Variants in NAV3 observed in about 807,000 individuals in gnomAD.
The protein encoded by NAV3 is neuron navigator 3, also known as pore membrane and/or filament interacting like protein 1.
A neutral mutation model predicts 244.7 loss-of-function variants in NAV3; 87 were observed. The observed-to-expected ratio is 0.36, with a 90% CI of 0.30 to 0.42. NAV3 has a LOEUF of 0.42. NAV3 is among the 20% of genes least tolerant of loss of function. NAV3 has a pLI of 1.00. For missense variants in NAV3, 2,663 were observed against 2,893.3 expected (o/e 0.92, Z 1.83); for synonymous variants, 1,126 against 1,042.2 (o/e 1.08, Z -1.55).
chr12:77,860,881 A>T (rs1227175706), intron 1 of NAV3, among the ~76,000 whole-genome samples: 1 of 151,900 alleles, frequency 6.6e-6, no homozygotes, highest in Non-Finnish European at 1.5e-5. Context: ...TTGAGGATCA[A>T]AACTATCCTT....
intron 2 of NAV3, among the ~76,000 whole-genome samples, chr12:77,652,268 A>G (rs1178831800): frequency 6.6e-6 from 1 of 152,170 alleles, no homozygotes; most frequent in Non-Finnish European, 1.5e-5. Flanking sequence ...GGTCACACTG[A>G]TAGGGATTGG....
intron 1 of NAV3, among the ~76,000 whole-genome samples, chr12:77,838,699 A>G (rs1344569705): frequency 3.9e-5 from 6 of 152,194 alleles, no homozygotes. Flanking sequence ...TTTGATATTT[A>G]TGCTATCAAA....
At chr12:77,778,913 G>A (rs1870527948) in intron 2 of NAV3, among the ~76,000 whole-genome samples, 1 of 152,178 alleles carries the variant, frequency 6.6e-6, no homozygotes, top group Non-Finnish European at 1.5e-5. Flanking sequence ...GAGATTGAAT[G>A]TCTCAAATGA....
intron 1 of NAV3, among the ~76,000 whole-genome samples, chr12:77,937,927 A>G (rs1889477919): frequency 1.3e-5 from 2 of 152,186 alleles, no homozygotes; most frequent in African/African-American, 4.8e-5. Context: ...GTCCTGGCAC[A>G]ATCCTATAAT....
intron 12 of NAV3, among the ~76,000 whole-genome samples, chr12:78,080,748 C>T (rs1953303482): frequency 6.6e-6 from 1 of 152,164 alleles, no homozygotes; most frequent in South Asian, 2.1e-4. Context: ...ACTCTTTTCT[C>T]CTATTTGATG....
At chr12:78,174,552 C>A (rs1200383968) in intron 24 of NAV3, among the ~76,000 whole-genome samples, 1 of 151,830 alleles carries the variant, frequency 6.6e-6, no homozygotes. Flanking sequence ...ACTCCGGGGG[C>A]ATATCAAGCA....
chr12:78,056,039 G>A (rs1313545749), intron 11 of NAV3: 2 of 152,104 alleles, frequency 1.3e-5, no homozygotes, highest in Admixed American at 6.6e-5. Context: ...ATTTAAATAT[G>A]CATTGATGGT....
chr12:77,852,396 G>A (rs570148490), intron 1 of NAV3, among the ~76,000 whole-genome samples: 25 of 152,068 alleles, frequency 1.6e-4, no homozygotes, highest in Admixed American at 3.3e-4. Context: ...TTAACCGAGC[G>A]TAGTGGCACA....
At chr12:77,581,682 C>A (rs780270971) in intron 2 of NAV3, among the ~76,000 whole-genome samples, 5 of 152,110 alleles carry the variant, frequency 3.3e-5, no homozygotes, top group Non-Finnish European at 7.4e-5. Flanking sequence ...TTTTGATCCA[C>A]TCAAATTAGT....
chr12:77,703,084 G>A (rs1316183864), intron 2 of NAV3, among the ~76,000 whole-genome samples: 1 of 151,940 alleles, frequency 6.6e-6, no homozygotes, highest in African/African-American at 2.4e-5. Context: ...ATTTTATCAT[G>A]TCGTTTGATA....
chr12:78,167,624 T>C (rs1957833731), intron 23 of NAV3, among the ~76,000 whole-genome samples: 1 of 151,562 alleles, frequency 6.6e-6, no homozygotes, highest in South Asian at 2.1e-4. Flanking sequence ...AAATATATAT[T>C]CTGGGAGACA....
At chr12:78,071,770 G>C (rs1952782754) in intron 12 of NAV3, among the ~76,000 whole-genome samples, 1 of 152,188 alleles carries the variant, frequency 6.6e-6, no homozygotes, top group African/African-American at 2.4e-5. Context: ...GTTTGTCAAA[G>C]ATCAGATAGT....
chr12:77,835,411 A>G (rs997056616), intron 1 of NAV3, among the ~76,000 whole-genome samples: 5 of 152,214 alleles, frequency 3.3e-5, no homozygotes, highest in Non-Finnish European at 7.3e-5. Flanking sequence ...TGTACCAAAC[A>G]GTTTTATGAT....
chr12:77,921,430 A>G (rs1163207632), intron 1 of NAV3, among the ~76,000 whole-genome samples: 1 of 152,098 alleles, frequency 6.6e-6, no homozygotes, highest in East Asian at 1.9e-4. Flanking sequence ...AAATCCTGAA[A>G]CCGAGAAGTA....
chr12:78,177,433 G>T, intron 27 of NAV3, 120 bp downstream of exon 27: 1 of 1,204,654 alleles, frequency 8.3e-7, no homozygotes. Flanking sequence ...GAGAATGATG[G>T]ACAGCATTAG....
chr12:78,015,868 T>C (rs1350643912), intron 8 of NAV3, among the ~76,000 whole-genome samples: 1 of 152,120 alleles, frequency 6.6e-6, no homozygotes, highest in African/African-American at 2.4e-5. Context: ...GGCATTCTAC[T>C]TTAAGAAAGA....
chr12:77,880,624 A>G (rs2136601393), intron 1 of NAV3, among the ~76,000 whole-genome samples: 2 of 152,294 alleles, frequency 1.3e-5, no homozygotes, highest in South Asian at 4.1e-4. Context: ...TATTTCCATC[A>G]AAGATATGCC....
intron 2 of NAV3, among the ~76,000 whole-genome samples, chr12:77,729,827 T>A (rs532774220): frequency 1.8e-4 from 28 of 151,922 alleles, no homozygotes; most frequent in Admixed American, 1.1e-3. Flanking sequence ...TCAGACACAA[T>A]AGAGGGCCTG....
chr12:77,956,725 C>CTTAT (rs111942943), intron 3 of NAV3, among the ~76,000 whole-genome samples: 1,568 of 149,608 alleles, frequency 0.01, 25 homozygotes, highest in African/African-American at 0.027. Flanking sequence ...TAAAATCCAA[C>CTTAT]TTATTTATTT....
Sources: gnomAD v4.1 joint callset for allele counts (sites outside exome capture counted in the v4.1 genomes callset) on GRCh38, gnomAD v4.1.1 for gene constraint, MANE v1.5 for transcripts, NCBI Gene and HGNC (gene_info 2026-07-23, HGNC 2026-07-21) for gene names.